The following ADAP1 variants were observed in gnomAD, a reference collection of about 807,000 sequenced individuals.
ADAP1 encodes ArfGAP with dual PH domains 1, also known as arf-GAP with dual PH domain-containing protein 1.
Under a neutral mutation model 54.9 loss-of-function variants are expected in ADAP1, and 31 were observed. That is an observed-to-expected ratio of 0.56 (90% CI 0.42 to 0.76). The LOEUF (loss-of-function observed/expected upper bound fraction) is 0.76. Among genes scored for constraint, ADAP1 ranks in the 30% least tolerant of loss-of-function variants. The probability of loss-of-function intolerance (pLI) is 0.00; values close to 1 mark genes in which losing one functional copy is unlikely to be tolerated. For missense variants in ADAP1, 535 were observed against 512.4 expected (o/e 1.04, Z -0.42); for synonymous variants, 313 against 202.6 (o/e 1.55, Z -4.63).
intron 1 of ADAP1, among the ~76,000 whole-genome samples, chr7:952,777 C>G (rs1232645208): frequency 6.6e-6 from 1 of 152,198 alleles, no homozygotes; most frequent in Non-Finnish European, 1.5e-5. Context: ...TGGACAGATT[C>G]TGAAAAGGCA....
chr7:935,293 C>T lies in ADAP1; in HGVS notation c.213+82G>A, dbSNP rs914802982. 6.0e-6 allele frequency: 9 copies of T among 1,505,180 alleles called. No individual in the cohort carries two copies. In the Admixed American group the frequency reaches 8.3e-5, roughly 14 times the overall value. 93.2% of individuals were successfully genotyped at this position (1,505,180 alleles called of 1,614,324 possible). ...AAGGCTCCAGGGGCCACAGCCAGGC[C>T]GCCCGGCATCTCTGGCTCCAGAGGC... On this transcript the variant is annotated intron_variant, in intron 2 of 10. Coordinates refer to ENST00000265846, the MANE Select transcript of ADAP1 (RefSeq NM_006869.4).
intron 1 of ADAP1, among the ~76,000 whole-genome samples, chr7:940,330 TCACA>T (rs56715852): frequency 0.29 from 40,649 of 140,320 alleles, 5,847 homozygotes; most frequent in South Asian, 0.45. Context: ...ACAGACCCTG[TCACA>T]CACACACACA....
chr7:947,975 C>A (rs1256942096), intron 1 of ADAP1, among the ~76,000 whole-genome samples: 1 of 152,002 alleles, frequency 6.6e-6, no homozygotes, highest in Non-Finnish European at 1.5e-5. Flanking sequence ...TGCCCCCACC[C>A]CCGACACCAC....
chr7:906,975 C>G (rs1845491338), intron 4 of ADAP1, among the ~76,000 whole-genome samples: 1 of 152,128 alleles, frequency 6.6e-6, no homozygotes, highest in African/African-American at 2.4e-5. Context: ...CCTGAGTGGA[C>G]ATGGCCAGAG....
chr7:935,672 C>CCCCG (rs1415964150), intron 1 of ADAP1, among the ~76,000 whole-genome samples, 167 bp from the exon 2 acceptor site: 1 of 46,790 alleles, frequency 2.1e-5, no homozygotes, highest in Non-Finnish European at 4.6e-5. Flanking sequence ...AACCCCAGCT[C>CCCCG]CCCCCCCGCC....
chr7:905,398 GAGAAAGGAGAAAGGGAGAAAGA>G lies in ADAP1; in HGVS notation c.389-248_389-227del, dbSNP rs1562911675. 2.9e-4 allele frequency: 66 copies of G among 230,646 alleles called. 2 individuals are homozygous for G. Among genetic ancestry groups the G allele is most frequent in the South Asian group, 8.6e-4 (17 of 19,874 alleles). The allele number at this position is 230,646 out of a possible 1,614,324, so 14.3% of individuals were successfully genotyped here. On this transcript the variant is annotated intron_variant, in intron 4 of 10. Transcript: ENST00000265846. ...AAAGGAGAAAGGAGAAAGGAGAAAG[GAGAAAGGAGAAAGGGAGAAAGA>G]GAAAGGAGAAAGGAGAAAGGGAGAA...
intron 4 of ADAP1, among the ~76,000 whole-genome samples, chr7:906,963 A>G (rs1157051038): frequency 6.6e-6 from 1 of 152,078 alleles, no homozygotes; most frequent in Admixed American, 6.5e-5. Context: ...GACCCTCCCC[A>G]TCCTGAGTGG....
chr7:927,402 C>T (rs1028636064), intron 2 of ADAP1: 8 of 512,954 alleles, frequency 1.6e-5, no homozygotes, highest in Non-Finnish European at 2.6e-5. Flanking sequence ...CCACACCCCA[C>T]GCCAGCCCCG....
At position 906,806 on chromosome 7, in the gene ADAP1, G is replaced by GGGTGACATGGGAGACAC. The variant is rs60640246; in HGVS notation, c.389-1635_389-1634insGTGTCTCCCATGTCACC. Among the ~76,000 whole-genome samples, 217 of 44,470 alleles carry GGGTGACATGGGAGACAC rather than the reference G, an allele frequency of 4.9e-3. 37 individuals carry two copies. Among genetic ancestry groups the GGGTGACATGGGAGACAC allele is most frequent in the African/African-American group, 0.019 (210 of 11,008 alleles). 29.2% of individuals were successfully genotyped at this position (44,470 alleles called of 152,430 possible). A position where few individuals can be genotyped will look rare whatever the true frequency, so the allele number is the denominator to read the frequency against. The stretch of plus-strand genomic sequence containing the variant: ...ACACGGGGGACGGGACAGGGGACAT[G>GGGTGACATGGGAGACAC]GGGGGACATGGGTCAGATGGTGATG... On this transcript the variant is annotated intron_variant, in intron 4 of 10. Coordinates refer to ENST00000265846, the MANE Select transcript of ADAP1 (RefSeq NM_006869.4).
rs544833368 is a variant in ADAP1, at chr7:904,882, G to C, written c.501+178C>G. Among the ~76,000 whole-genome samples the C allele has an allele frequency of 3.3e-3, 501 of 152,298 alleles. 3 individuals are homozygous for C. Among genetic ancestry groups the C allele is most frequent in the African/African-American group, 0.011 (458 of 41,566 alleles). On this transcript the variant is annotated intron_variant, in intron 5 of 10. Coordinates refer to ENST00000265846, the MANE Select transcript of ADAP1 (RefSeq NM_006869.4). ...CCTCAGCTGCCCCACCCTGGGGGAC[G>C]CTGGGTCCGGCACACAGAGGCTCAG...
chr7:921,437 C>A (rs941868970), intron 3 of ADAP1, among the ~76,000 whole-genome samples: 1 of 152,254 alleles, frequency 6.6e-6, no homozygotes, highest in Non-Finnish European at 1.5e-5. Context: ...CCTCCTGCCT[C>A]GGCTTCCCGA....
Position 905,198 on chromosome 7 carries a change from G to C in ADAP1, c.389-26C>G, listed in dbSNP as rs117185855. On this transcript the variant is annotated intron_variant, in intron 4 of 10. Coordinates refer to ENST00000265846, the MANE Select transcript of ADAP1 (RefSeq NM_006869.4). Reference sequence around the variant, plus strand: ...CTGTGGGGGAAAGGGGACACGAGTCGGTGACAGTGGATGGGGGGGAGGAAA... The same window carrying C: ...CTGTGGGGGAAAGGGGACACGAGTCCGTGACAGTGGATGGGGGGGAGGAAA... The C allele has an allele frequency of 2.5e-6, 4 of 1,584,446 alleles. No individual in the cohort carries two copies. In the East Asian group the frequency reaches 6.7e-5, roughly 27 times the overall value.
chr7:954,731 G>A (rs1032410329), upstream of ADAP1: 2 of 980,334 alleles, frequency 2.0e-6, no homozygotes, highest in Non-Finnish European at 2.4e-6. Context: ...CAAGGCCCGC[G>A]GGCGGCCCCC....
At chr7:905,581 A>AGAAGGAGAAAGGAGAAAGG (rs1845174732) in intron 4 of ADAP1, 1 of 18,794 alleles carries the variant, frequency 5.3e-5, no homozygotes, top group Non-Finnish European at 7.9e-5. Flanking sequence ...AGGAGAAAGG[A>AGAAGGAGAAAGGAGAAAGG]GAAAGGAGAA....
intron 1 of ADAP1, among the ~76,000 whole-genome samples, chr7:950,029 G>A (rs1847230015): frequency 6.6e-6 from 1 of 152,254 alleles, no homozygotes; most frequent in South Asian, 2.1e-4. Flanking sequence ...ATGGCCCAGA[G>A]GTGGGAGCAG....
chr7:945,258 C>T lies in ADAP1; in HGVS notation c.82+9138G>A, dbSNP rs565508097. Among the ~76,000 whole-genome samples the T allele has an allele frequency of 7.3e-4, 111 of 152,316 alleles. No homozygotes were observed. The highest frequency in any genetic ancestry group is 2.3e-3 in the African/African-American group (95 of 41,568). ...GCATCCGCAAATGCCCGCAGCCCAT[C>T]GGAGCGAAAAGGGGCGGGGCACGCA... On this transcript the variant is annotated intron_variant, in intron 1 of 10. Coordinates refer to ENST00000265846, the MANE Select transcript of ADAP1 (RefSeq NM_006869.4). This position sits in a 1 kb window ranked among gnomAD's most constrained non-coding sequence, Gnocchi z 4.2.
chr7:907,229 T>C (rs1845506343), intron 4 of ADAP1, among the ~76,000 whole-genome samples: 1 of 152,110 alleles, frequency 6.6e-6, no homozygotes, highest in Non-Finnish European at 1.5e-5. Context: ...CCTAAGCACC[T>C]GGACACGCCA....
chr7:920,785 C>T lies in ADAP1; in HGVS notation c.306-735G>A, dbSNP rs750407404. 1.7e-5 allele frequency: 26 copies of T among 1,549,458 alleles called. No individual in the cohort carries two copies. Among genetic ancestry groups the T allele is most frequent in the South Asian group, 2.4e-5 (2 of 84,028 alleles). On this transcript the variant is annotated intron_variant, in intron 3 of 10. Coordinates refer to ENST00000265846, the MANE Select transcript of ADAP1 (RefSeq NM_006869.4). This position sits in a 1 kb window ranked among gnomAD's most constrained non-coding sequence, Gnocchi z 4.5. ...GCCTCCCCATCCACCGTGACTCACTCGAGTGAAGCCAATACCATTGCAGAA... is the reference window on the plus strand; with the variant it reads ...GCCTCCCCATCCACCGTGACTCACTTGAGTGAAGCCAATACCATTGCAGAA...
At chr7:905,886 A>AGGG (rs1562913166) in intron 4 of ADAP1, among the ~76,000 whole-genome samples, 2 of 9,994 alleles carry the variant, frequency 2.0e-4, no homozygotes, top group Admixed American at 5.8e-4. Flanking sequence ...AGAAAGGAGA[A>AGGG]AGGAGAAAGG....
Sources: allele counts gnomAD v4.1 joint callset (sites outside exome capture counted in the v4.1 genomes callset), GRCh38; gene constraint gnomAD v4.1.1; non-coding constraint Gnocchi (gnomAD v3.1); transcripts MANE v1.5; gene names NCBI Gene and HGNC (gene_info 2026-07-23, HGNC 2026-07-21).